The following EXT1 variants were observed in gnomAD, a reference collection of about 807,000 sequenced individuals.
EXT1 encodes exostosin glycosyltransferase 1.
EXT1 carries 20 observed loss-of-function variants against 82.5 expected under a neutral mutation model. The ratio of observed to expected loss-of-function variants is 0.24; its 90% CI spans 0.17 to 0.35. The LOEUF (loss-of-function observed/expected upper bound fraction) is 0.35. Ranked by LOEUF, EXT1 falls within the 10% of genes least tolerant of loss-of-function variation. The probability of loss-of-function intolerance (pLI) is 1.00; values close to 1 mark genes in which losing one functional copy is unlikely to be tolerated. For synonymous variants in EXT1, 348 were observed against 350.8 expected, an observed-to-expected ratio of 0.99 and a Z score of 0.09; for missense variants, 757 against 936.5, an observed-to-expected ratio of 0.81 and a Z score of 2.50.
intron 1 of EXT1, among the ~76,000 whole-genome samples, chr8:117,954,207 G>A (rs921722584): frequency 1.3e-5 from 2 of 152,202 alleles, no homozygotes; most frequent in Non-Finnish European, 2.9e-5. Context: ...CCCCTCAGGG[G>A]ATGGCTCCTG....
intron 4 of EXT1, among the ~76,000 whole-genome samples, chr8:117,823,607 C>G (rs146630830): frequency 6.6e-6 from 1 of 151,862 alleles, no homozygotes; most frequent in Admixed American, 6.6e-5. Flanking sequence ...ATTTTAAGTA[C>G]AGACTATTTT....
intron 1 of EXT1, among the ~76,000 whole-genome samples, chr8:118,017,762 A>G (rs1206615004): frequency 6.6e-6 from 1 of 152,230 alleles, no homozygotes; most frequent in Non-Finnish European, 1.5e-5. Context: ...TCTAATTGCC[A>G]GCTAAACAAC....
At position 117,914,630 on chromosome 8, in the gene EXT1, C is replaced by T. The variant is rs377710263; in HGVS notation, c.963-77429G>A. On this transcript the variant is annotated intron_variant, in intron 1 of 10. Coordinates refer to ENST00000378204, the MANE Select transcript of EXT1 (RefSeq NM_000127.3). ...TCCTAGGGGGAGGTCTATAAACGGC[C>T]GCTCTGGGAATGTCTATCTTATGCG... Among the ~76,000 whole-genome samples the T allele has an allele frequency of 2.4e-4, 36 of 152,040 alleles. 1 individual carries two copies. Among genetic ancestry groups the T allele is most frequent in the African/African-American group, 6.5e-4 (27 of 41,388 alleles).
At chr8:118,043,856 C>T (rs997008906) in intron 1 of EXT1, among the ~76,000 whole-genome samples, 1 of 152,238 alleles carries the variant, frequency 6.6e-6, no homozygotes, top group South Asian at 2.1e-4. Flanking sequence ...AAAAGTCCAA[C>T]TCACTTCCAG....
intron 1 of EXT1, among the ~76,000 whole-genome samples, chr8:117,995,191 C>T (rs575036097): frequency 6.6e-6 from 1 of 152,280 alleles, no homozygotes; most frequent in Admixed American, 6.5e-5. Flanking sequence ...GTTTTCCACA[C>T]CCCAGCACTT....
intron 10 of EXT1, among the ~76,000 whole-genome samples, chr8:117,800,194 G>A (rs1051507119): frequency 2.4e-4 from 37 of 152,148 alleles, no homozygotes; most frequent in African/African-American, 8.2e-4. Context: ...ACTGAAACTC[G>A]ACTACTACAG....
chr8:117,896,815 C>T (rs528455121), intron 1 of EXT1, among the ~76,000 whole-genome samples: 1 of 152,298 alleles, frequency 6.6e-6, no homozygotes, highest in East Asian at 1.9e-4. Context: ...AGAGAAAGAA[C>T]AAGCGACAAA....
chr8:117,818,808 C>T lies in EXT1; in HGVS notation c.1537-278G>A, dbSNP rs183965362. Among the ~76,000 whole-genome samples the T allele has an allele frequency of 1.1e-3, 166 of 152,210 alleles. 1 individual carries two copies. The highest frequency in any genetic ancestry group is 9.9e-3 in the Admixed American group (152 of 15,292). On this transcript the variant is annotated intron_variant, in intron 6 of 10. Transcript: ENST00000378204. ...TGTGTCCGGGAATAGGGGAAAGCTGCAGGAAAAAGAATTACGGTGGCTGGA... is the reference window on the plus strand; with the variant it reads ...TGTGTCCGGGAATAGGGGAAAGCTGTAGGAAAAAGAATTACGGTGGCTGGA...
chr8:118,031,365 A>G (rs1227593011), intron 1 of EXT1, among the ~76,000 whole-genome samples: 3 of 151,998 alleles, frequency 2.0e-5, no homozygotes, highest in African/African-American at 7.3e-5. Flanking sequence ...TCTCTACTAC[A>G]ACTACAAAAA....
chr8:117,891,805 C>CTTTTT (rs33967253), intron 1 of EXT1, among the ~76,000 whole-genome samples: 6 of 121,070 alleles, frequency 5.0e-5, no homozygotes, highest in Admixed American at 9.5e-5. Context: ...TTTTTTCTTG[C>CTTTTT]TTTTTTTTTT....
chr8:117,952,152 A>T (rs1470144017), intron 1 of EXT1, among the ~76,000 whole-genome samples: 1 of 152,236 alleles, frequency 6.6e-6, no homozygotes, highest in African/African-American at 2.4e-5. Context: ...TAATTACCCT[A>T]GGAAAATCAC....
At chr8:118,006,902 G>C (rs747487295) in intron 1 of EXT1, among the ~76,000 whole-genome samples, 11 of 152,288 alleles carry the variant, frequency 7.2e-5, no homozygotes, top group Non-Finnish European at 1.5e-4. Context: ...TGCAAGCGTA[G>C]GGCTGCCAAA....
chr8:117,902,467 C>A (rs1376634382), intron 1 of EXT1, among the ~76,000 whole-genome samples: 1 of 152,080 alleles, frequency 6.6e-6, no homozygotes, highest in East Asian at 1.9e-4. Flanking sequence ...ATGCATTGTG[C>A]CAAGACAGTA....
chr8:117,913,978 A>T (rs1360366890), intron 1 of EXT1, among the ~76,000 whole-genome samples: 2 of 152,212 alleles, frequency 1.3e-5, no homozygotes, highest in Non-Finnish European at 2.9e-5. Context: ...CTGTGTCAAC[A>T]TTAAAGCTGG....
At chr8:117,920,707 G>A (rs139130244) in intron 1 of EXT1, among the ~76,000 whole-genome samples, 2 of 152,310 alleles carry the variant, frequency 1.3e-5, no homozygotes, top group Non-Finnish European at 2.9e-5. Context: ...CTGGAGAAGT[G>A]GGTCAGCATT....
chr8:118,076,910 T>G (rs929562190), intron 1 of EXT1, among the ~76,000 whole-genome samples: 3 of 144,092 alleles, frequency 2.1e-5, no homozygotes, highest in African/African-American at 5.1e-5. Context: ...TTCTTTTTTG[T>G]TGTTTTTTTG....
intron 1 of EXT1, among the ~76,000 whole-genome samples, chr8:118,099,865 A>G (rs1382280717): frequency 2.0e-5 from 3 of 152,178 alleles, no homozygotes; most frequent in African/African-American, 7.2e-5. Context: ...AAATATGTGC[A>G]TGCCAACAGG....
intron 1 of EXT1, among the ~76,000 whole-genome samples, chr8:117,947,021 C>G (rs988701861): frequency 3.3e-5 from 5 of 152,116 alleles, no homozygotes; most frequent in African/African-American, 4.8e-5. Flanking sequence ...TATAAAGGAG[C>G]CTCCTAAGCC....
rs1163893050 is a variant in EXT1, at chr8:117,795,271, C to T, written c.*4441G>A. ...ATATAAAATGTATTGGAACTCTAGA[C>T]CAGTGACAACTACAATCCCTACTAG... is the stretch of plus-strand genomic sequence containing the variant. On this transcript the variant is annotated 3_prime_UTR_variant, in exon 11 of 11. Coordinates refer to ENST00000378204, the MANE Select transcript of EXT1 (RefSeq NM_000127.3). The T allele has an allele frequency of 1.3e-5, 2 of 152,056 alleles. No homozygotes were observed. The highest frequency in any genetic ancestry group is 2.1e-4 in the South Asian group (1 of 4,814). 9.4% of individuals were successfully genotyped at this position (152,056 alleles called of 1,614,324 possible).
Sources: allele counts gnomAD v4.1 joint callset (sites outside exome capture counted in the v4.1 genomes callset), GRCh38; gene constraint gnomAD v4.1.1; transcripts MANE v1.5; gene names NCBI Gene and HGNC (gene_info 2026-07-23, HGNC 2026-07-21).